Variants in DDX27 observed in about 807,000 individuals in gnomAD.
DDX27 encodes DEAD-box helicase 27.
A neutral mutation model predicts 99.3 loss-of-function variants in DDX27; 42 were observed. The observed-to-expected ratio is 0.42, with a 90% CI of 0.33 to 0.55. DDX27 has a LOEUF of 0.55. Ranked by LOEUF, DDX27 falls within the 20% of genes least tolerant of loss-of-function variation. The probability of loss-of-function intolerance (pLI) is 0.07; values close to 1 mark genes in which losing one functional copy is unlikely to be tolerated. For missense variants in DDX27, 798 were observed against 976.8 expected (o/e 0.82, Z 2.44); for synonymous variants, 329 against 353.8 (o/e 0.93, Z 0.79).
intron 18 of DDX27, 135 bp from the exon 19 acceptor site, chr20:49,242,459 C>A: frequency 9.5e-7 from 1 of 1,047,854 alleles, no homozygotes. Context: ...CTTGGAGGAG[C>A]TGGTGAGGAC....
intron 12 of DDX27, 73 bp downstream of exon 12, chr20:49,235,161 C>T: frequency 1.3e-6 from 2 of 1,486,822 alleles, no homozygotes; most frequent in East Asian, 4.6e-5. Context: ...AGAAGAGGAC[C>T]CTGAGCATTC....
At chr20:49,221,240 G>C (rs1171455989) in intron 1 of DDX27, among the ~76,000 whole-genome samples, 2 of 152,130 alleles carry the variant, frequency 1.3e-5, no homozygotes, top group African/African-American at 4.8e-5. Context: ...GATTACAGGC[G>C]TGAGCCACCA....
intron 2 of DDX27, 86 bp from the exon 3 acceptor site, chr20:49,222,871 T>G: frequency 8.1e-7 from 1 of 1,231,266 alleles, no homozygotes; most frequent in South Asian, 1.6e-5. Flanking sequence ...AAATTTTTTC[T>G]TTTTCAAGTT....
intron 11 of DDX27, 115 bp downstream of exon 11, chr20:49,233,824 C>A: frequency 8.3e-7 from 1 of 1,210,564 alleles, no homozygotes; most frequent in Non-Finnish European, 1.2e-6. Flanking sequence ...TCTTCCCCAG[C>A]GCAGAGGCTG....
rs1436269603 is a variant in DDX27, at chr20:49,235,088, G to A, written c.1427G>A (p.Arg476Gln). The A allele has an allele frequency of 1.2e-6, 2 of 1,600,138 alleles. No individual in the cohort carries two copies. Among genetic ancestry groups the A allele is most frequent in the Non-Finnish European group, 1.7e-6 (2 of 1,172,768 alleles). Reference protein sequence around the residue: ...LSQTQRLEALRRFKDEQIDIL... With the variant: ...LSQTQRLEALQRFKDEQIDIL... ...CAGACGCAGCGGCTGGAGGCCCTCC[G>A]GTAACATTTGGGGTGGGGACTGAGG... The change falls in exon 12 of 21, where the codon CGG becomes CAG. Residue 476 changes from arginine to glutamine, a missense_variant and splice_region_variant. By Grantham distance (43) the Arg-to-Gln change is conservative (BLOSUM62 1). Transcript: ENST00000618172.
chr20:49,230,536 TC>T lies in DDX27; in HGVS notation c.1031+188del, dbSNP rs552389848. 8.4e-4 allele frequency among the ~76,000 whole-genome samples: 128 copies of T among 152,326 alleles called. 1 individual carries two copies. Among genetic ancestry groups the T allele is most frequent in the African/African-American group, 3.1e-3 (128 of 41,594 alleles). On this transcript the variant is annotated intron_variant, in intron 9 of 20. Transcript: ENST00000618172. ...CCCATGTTTTCCTCTTTTTTCTCTT[TC>T]TCTATTATGGTGGTTAAGTGATAAG...
At chr20:49,222,771 C>T (rs1485696484) in intron 2 of DDX27, among the ~76,000 whole-genome samples, 186 bp from the exon 3 acceptor site, 1 of 151,958 alleles carries the variant, frequency 6.6e-6, no homozygotes, top group Non-Finnish European at 1.5e-5. Context: ...CCTCGGCCTC[C>T]CAAAGTGCTG....
chr20:49,228,473 A>G (rs1235775620), intron 7 of DDX27, among the ~76,000 whole-genome samples: 1 of 151,942 alleles, frequency 6.6e-6, no homozygotes, highest in Non-Finnish European at 1.5e-5. Flanking sequence ...GGGCTTCACT[A>G]TGTTGGCCAG....
rs764129999 is a variant in DDX27, at chr20:49,233,798, C to T, written c.1273+89C>T. On this transcript the variant is annotated intron_variant, in intron 11 of 20. Coordinates refer to ENST00000618172, the MANE Select transcript of DDX27 (RefSeq NM_017895.8). ...ATGCTGAAGTGCTTGGTTTCCCCTG[C>T]GCCTCTGCCGTCCAGTCTTCCCCAG... The T allele has an allele frequency of 6.5e-5, 95 of 1,456,082 alleles. 1 individual carries two copies. The highest frequency in any genetic ancestry group is 4.8e-4 in the Middle Eastern group (2 of 4,172). The allele number at this position is 1,456,082 out of a possible 1,614,324, so 90.2% of individuals were successfully genotyped here. A position where few individuals can be genotyped will look rare whatever the true frequency, so the allele number is the denominator to read the frequency against.
At position 49,221,506 on chromosome 20, in the gene DDX27, G is replaced by A; in HGVS notation, c.148G>A (p.Asp50Asn). Residue 50 changes from aspartate (D) to asparagine (N), a missense_variant, in exon 2 of 21, where the codon GAT (aspartate) becomes AAT (asparagine). Coordinates refer to ENST00000618172, the MANE Select transcript of DDX27 (RefSeq NM_017895.8). ...AGCTTTGGGGAAGAACCGCAGTGCT[G>A]ATTTCAACCCTGATTTCGTTTTCAC... ...QKALGKNRSADFNPDFVFTEK... is the reference protein window; with the variant it reads ...QKALGKNRSANFNPDFVFTEK... 6 of 1,613,804 alleles carry A rather than the reference G, an allele frequency of 3.7e-6. No homozygotes were observed. Among genetic ancestry groups the A allele is most frequent in the Non-Finnish European group, 5.1e-6 (6 of 1,180,002 alleles).
At chr20:49,241,830 T>C in intron 16 of DDX27, 63 bp from the exon 17 acceptor site, 1 of 1,562,280 alleles carries the variant, frequency 6.4e-7, no homozygotes, top group Non-Finnish European at 8.8e-7. Context: ...CGTGCACTTC[T>C]TATCGTAAGC....
chr20:49,238,812 G>A lies in DDX27; in HGVS notation c.1688-137G>A, dbSNP rs143222709. On this transcript the variant is annotated intron_variant, in intron 14 of 20. Coordinates refer to ENST00000618172, the MANE Select transcript of DDX27 (RefSeq NM_017895.8). ...TTTTGTAGAGACAGAGTCTGGCCAC[G>A]TTGCCCAGGCTGGCCTCAAATTCCT... 1.4e-3 allele frequency: 509 copies of A among 374,982 alleles called. 2 individuals carry two copies. Among genetic ancestry groups the A allele is most frequent in the African/African-American group, 9.9e-3 (380 of 38,348 alleles). The allele number at this position is 374,982 out of a possible 1,614,324, so 23.2% of individuals were successfully genotyped here.
At chr20:49,235,873 A>T (rs1980285329) in intron 12 of DDX27, 1 of 202,344 alleles carries the variant, frequency 4.9e-6, no homozygotes, top group African/African-American at 2.3e-5. Flanking sequence ...CCTCCCAAGT[A>T]GCTGGGACTA....
At chr20:49,243,119 C>A (rs1980535292) in intron 19 of DDX27, among the ~76,000 whole-genome samples, 1 of 152,116 alleles carries the variant, frequency 6.6e-6, no homozygotes, top group African/African-American at 2.4e-5. Flanking sequence ...TTCAAGGGTA[C>A]CTGTCTGTTC....
Position 49,236,121 on chromosome 20 carries a change from G to A in DDX27, c.1428-29G>A, listed in dbSNP as rs1270445172. On this transcript the variant is annotated intron_variant, in intron 12 of 20. Transcript: ENST00000618172. The surrounding 1 kb of genome is among the most constrained non-coding windows in gnomAD (Gnocchi z 4.1). ...GAGCATTATTAGGGGAGGGTGTCTG[G>A]ATGAACAGCTGTTTGTGACTGTTTC... The A allele has an allele frequency of 3.1e-6, 5 of 1,590,696 alleles. No homozygotes were observed. In the Admixed American group the frequency reaches 8.7e-5, roughly 28 times the overall value.
Position 49,227,097 on chromosome 20 carries a change from C to G in DDX27, c.706+562C>G, listed in dbSNP as rs183556861. Reference sequence around the variant, plus strand: ...CGGGATGGTCTTGATCTCCTGACCTCGTGATCCGCCCGCCTTGGCCTCCCA... The same window carrying G: ...CGGGATGGTCTTGATCTCCTGACCTGGTGATCCGCCCGCCTTGGCCTCCCA... On this transcript the variant is annotated intron_variant, in intron 7 of 20. Transcript: ENST00000618172. 8.5e-3 allele frequency among the ~76,000 whole-genome samples: 1,264 copies of G among 148,576 alleles called. 22 individuals carry two copies. The highest frequency in any genetic ancestry group is 0.029 in the African/African-American group (1,154 of 40,356).
intron 15 of DDX27, 59 bp from the exon 16 acceptor site, chr20:49,239,170 AGCCCGTG>A: frequency 6.4e-7 from 1 of 1,551,570 alleles, no homozygotes; most frequent in Non-Finnish European, 8.9e-7. Context: ...AGGCATTTGC[AGCCCGTG>A]GCTTCCTGTG....
rs546748460 is a variant in DDX27, at chr20:49,221,939, G to A, written c.240+341G>A. Among the ~76,000 whole-genome samples, 4 of 151,612 alleles carry A rather than the reference G, an allele frequency of 2.6e-5. No individual in the cohort carries two copies. In the East Asian group the frequency reaches 5.8e-4, roughly 22 times the overall value. On this transcript the variant is annotated intron_variant, in intron 2 of 20. Coordinates refer to ENST00000618172, the MANE Select transcript of DDX27 (RefSeq NM_017895.8). Reference sequence around the variant, plus strand: ...GTGTCCCTGGTTCCCACACAGCACAGCCAAAGCTACCACAGATGTCATTGT... The same window carrying A: ...GTGTCCCTGGTTCCCACACAGCACAACCAAAGCTACCACAGATGTCATTGT...
At chr20:49,238,675 C>T (rs1600975724) in intron 14 of DDX27, 2 of 424,082 alleles carry the variant, frequency 4.7e-6, no homozygotes, top group East Asian at 9.4e-5. Context: ...ACAGCATTGG[C>T]CAAGCTGGTC....
Sources: gnomAD v4.1 joint callset for allele counts (sites outside exome capture counted in the v4.1 genomes callset) on GRCh38, gnomAD v4.1.1 for gene constraint, Gnocchi (gnomAD v3.1) non-coding constraint, MANE v1.5 for transcripts, NCBI Gene and HGNC (gene_info 2026-07-23, HGNC 2026-07-21) for gene names.